The following SBK3 variants were observed in gnomAD, a reference collection of about 807,000 sequenced individuals.
The protein encoded by SBK3 is uncharacterized serine/threonine-protein kinase SBK3.
A neutral mutation model predicts 12.7 loss-of-function variants in SBK3; 16 were observed. That is an observed-to-expected ratio of 1.26 (90% CI 0.86 to 1.92). The LOEUF (loss-of-function observed/expected upper bound fraction) is 1.92, where lower values mean the gene tolerates loss of function less well. Among genes scored for constraint, SBK3 ranks in the 40% most tolerant of loss-of-function variants. The pLI is 0.00. For synonymous variants in SBK3, 217 were observed against 213.6 expected (o/e 1.02, Z -0.14); for missense variants, 462 against 481.8 (o/e 0.96, Z 0.38).
In SBK3 at chr19:55,544,179, G is replaced by A; in HGVS notation, c.320C>T (p.Pro107Leu). The A allele has an allele frequency of 1.3e-6, 2 of 1,535,902 alleles. No individual in the cohort carries two copies. The highest frequency in any genetic ancestry group is 1.7e-6 in the Non-Finnish European group (2 of 1,146,830). ...GGCAAAATAGCGGGGGGTCTGTAGG[G>A]GTCCTGCCAGGGTCTGCAGCAGGCC... ...HPGLLQTLAG[P>L]LQTPRYFAFA... The change falls in exon 3 of 4, where the codon CCC (proline) becomes CTC (leucine). Residue 107 changes from proline to leucine, a missense_variant. By Grantham distance (98) the Pro-to-Leu change is moderately conservative. Transcript: ENST00000612221.
At chr19:55,544,660 A>G (rs1455522992) in intron 2 of SBK3, 139 bp downstream of exon 2, 1 of 858,692 alleles carries the variant, frequency 1.2e-6, no homozygotes, top group Non-Finnish European at 1.7e-6. Context: ...AGAAGATCCC[A>G]GAGCTCTTAA....
At chr19:55,544,571 C>T (rs1196970014) in intron 2 of SBK3, among the ~76,000 whole-genome samples, 3 of 152,076 alleles carry the variant, frequency 2.0e-5, no homozygotes, top group African/African-American at 7.2e-5. Flanking sequence ...ACTTGGGTTC[C>T]AACTTGAGTT....
chr19:55,541,145 T>C lies in SBK3; in HGVS notation c.781A>G (p.Thr261Ala), dbSNP rs1266922014. ...EFEAFAGWVTTKPQPPQPPPP... is the reference protein window; with the variant it reads ...EFEAFAGWVTAKPQPPQPPPP... Reference sequence around the variant, plus strand: ...GGTGGCTGAGGTGGCTGAGGCTTGGTGGTCACCCAGCCAGCGAAGGCCTCG... The same window carrying C: ...GGTGGCTGAGGTGGCTGAGGCTTGGCGGTCACCCAGCCAGCGAAGGCCTCG... Residue 261 changes from threonine (T) to alanine (A), a missense_variant, in exon 4 of 4, where the codon ACC becomes GCC. Transcript: ENST00000612221. The surrounding 1 kb of genome is among the most constrained non-coding windows in gnomAD (Gnocchi z 5.3). 1 of 1,535,680 alleles carries C rather than the reference T, an allele frequency of 6.5e-7. No homozygotes were observed.
In SBK3 at chr19:55,545,459, T is replaced by A. The variant is rs1230823624; in HGVS notation, c.45+40A>T. 4.7e-6 allele frequency: 7 copies of A among 1,475,686 alleles called. No individual in the cohort carries two copies. The East Asian group carries it at 1.7e-4, about 36-fold the overall frequency. The allele number at this position is 1,475,686 out of a possible 1,614,324, so 91.4% of individuals were successfully genotyped here. A position where few individuals can be genotyped will look rare whatever the true frequency, so the allele number is the denominator to read the frequency against. ...TTGCCTCCTGCCTCTCTCTCCTTCT[T>A]TTCTCTCTCTGTCTTCCTCCCCTGG... On this transcript the variant is annotated intron_variant, in intron 1 of 3. Transcript: ENST00000612221. The surrounding 1 kb of genome is among the most constrained non-coding windows in gnomAD (Gnocchi z 4.4).
At chr19:55,542,347 T>A (rs1387475311) in intron 3 of SBK3, among the ~76,000 whole-genome samples, 1 of 151,946 alleles carries the variant, frequency 6.6e-6, no homozygotes, top group Non-Finnish European at 1.5e-5. Flanking sequence ...CATCCATTAA[T>A]CATCCATCCA....
Position 55,545,028 on chromosome 19 carries a change from C to A in SBK3, c.46-79G>T. ...GGTGGGGGAGGAGGTCACGGCGCAG[C>A]CCCAGGATGGAGGGTGGGGCAGGGG... On this transcript the variant is annotated intron_variant, in intron 1 of 3. Transcript: ENST00000612221. The surrounding 1 kb of genome is among the most constrained non-coding windows in gnomAD (Gnocchi z 4.4). The A allele has an allele frequency of 1.8e-6, 2 of 1,136,228 alleles. No homozygotes were observed. Among genetic ancestry groups the A allele is most frequent in the Non-Finnish European group, 2.5e-6 (2 of 815,926 alleles). 70.4% of individuals were successfully genotyped at this position (1,136,228 alleles called of 1,614,324 possible). A position where few individuals can be genotyped will look rare whatever the true frequency, so the allele number is the denominator to read the frequency against.
chr19:55,544,885 C>T lies in SBK3; in HGVS notation c.110G>A (p.Arg37Lys), dbSNP rs1425563392. 6.5e-7 allele frequency: 1 copy of T among 1,534,522 alleles called. No individual in the cohort carries two copies. The highest frequency in any genetic ancestry group is 8.7e-7 in the Non-Finnish European group (1 of 1,146,474). The change falls in exon 2 of 4, where the codon AGG (arginine) becomes AAG (lysine). Residue 37 changes from arginine to lysine, a missense_variant. Arg to Lys is a conservative substitution (Grantham distance 26). Transcript: ENST00000612221. ...GAGGTGGTACTGGTCCCGAAGGCTC[C>T]TCACCGGGGTCACCCTGCTGGTCGT... is the stretch of plus-strand genomic sequence containing the variant. ...ELTTSRVTPV[R>K]SLRDQYHLIR...
Position 55,545,043 on chromosome 19 carries a change from TGGG to T in SBK3, c.46-97_46-95del. The T allele has an allele frequency of 1.0e-6, 1 of 954,070 alleles. No homozygotes were observed. The highest frequency in any genetic ancestry group is 1.5e-6 in the Non-Finnish European group (1 of 655,440). The allele number at this position is 954,070 out of a possible 1,614,324, so 59.1% of individuals were successfully genotyped here. ...CACGGCGCAGCCCCAGGATGGAGGG[TGGG>T]GCAGGGGACAGGGGTCACTGTCCCC... On this transcript the variant is annotated intron_variant, in intron 1 of 3. Coordinates refer to ENST00000612221, the MANE Select transcript of SBK3 (RefSeq NM_001199824.2). This position sits in a 1 kb window ranked among gnomAD's most constrained non-coding sequence, Gnocchi z 4.4.
At chr19:55,544,017 T>G in intron 3 of SBK3, 83 bp downstream of exon 3, 8 of 1,201,350 alleles carry the variant, frequency 6.7e-6, no homozygotes, top group Admixed American at 3.2e-5. Flanking sequence ...TGATTTGGGG[T>G]CAGAGTTGGA....
In SBK3 at chr19:55,541,402, A is replaced by G; in HGVS notation, c.524T>C (p.Val175Ala). The G allele has an allele frequency of 1.3e-6, 2 of 1,535,834 alleles. No individual in the cohort carries two copies. Among genetic ancestry groups the G allele is most frequent in the Non-Finnish European group, 1.7e-6 (2 of 1,146,842 alleles). ...KPDNVLVFDP[V>A]CSRVALGDLG... is the part of the protein sequence containing the mutation. ...GTCTCCCAGGGCCACACGGCTGCAG[A>G]CCGGGTCGAAGACCAGCACGTTGTC... The change falls in exon 4 of 4, where the codon GTC (valine) becomes GCC (alanine). Residue 175 changes from valine (V) to alanine (A), a missense_variant. Physicochemically the swap from Val to Ala is moderately conservative, Grantham distance 64 (BLOSUM62 0). Coordinates refer to ENST00000612221, the MANE Select transcript of SBK3 (RefSeq NM_001199824.2). The surrounding 1 kb of genome is among the most constrained non-coding windows in gnomAD (Gnocchi z 5.3).
In SBK3 at chr19:55,544,936, G is replaced by A; in HGVS notation, c.59C>T (p.Thr20Ile). The change falls in exon 2 of 4, where the codon ACA (threonine) becomes ATA (isoleucine). Residue 20 changes from threonine to isoleucine, a missense_variant. Coordinates refer to ENST00000612221, the MANE Select transcript of SBK3 (RefSeq NM_001199824.2). ...EDGDPEEDTA[T>I]ALQRLVELTT... The stretch of plus-strand genomic sequence containing the variant: ...CAGCTCCACCAGCCGTTGGAGGGCT[G>A]TGGCTGTGTCCTCCTACGGGAGAGG... 6.5e-7 allele frequency: 1 copy of A among 1,532,856 alleles called. No homozygotes were observed. The highest frequency in any genetic ancestry group is 8.7e-7 in the Non-Finnish European group (1 of 1,145,682). The allele number at this position is 1,532,856 out of a possible 1,614,324, so 95.0% of individuals were successfully genotyped here.
At chr19:55,544,339 C>A in intron 2 of SBK3, 37 bp from the exon 3 acceptor site, 1 of 1,492,794 alleles carries the variant, frequency 6.7e-7, no homozygotes, top group South Asian at 1.2e-5. Context: ...ACTCAGGCGG[C>A]TCCAGTCCTG....
chr19:55,540,817 G>T lies in SBK3; in HGVS notation c.*29C>A. The T allele has an allele frequency of 6.5e-7, 1 of 1,530,754 alleles. No homozygotes were observed. The highest frequency in any genetic ancestry group is 1.2e-5 in the South Asian group (1 of 83,978). 94.8% of individuals were successfully genotyped at this position (1,530,754 alleles called of 1,614,324 possible). On this transcript the variant is annotated 3_prime_UTR_variant, in exon 4 of 4. Transcript: ENST00000612221. ...GGCTGGGGGAAGGGCCTCTGGCCCA[G>T]GCTCTGGCCACCTGTCTCTGTCACC...
Position 55,541,659 on chromosome 19 carries a change from C to T in SBK3, c.400-133G>A, listed in dbSNP as rs142164062. On this transcript the variant is annotated intron_variant, in intron 3 of 3. Transcript: ENST00000612221. This position sits in a 1 kb window ranked among gnomAD's most constrained non-coding sequence, Gnocchi z 5.3. ...CCTCCCAAAGTGCTGGGATTATAGG[C>T]ATGAGGCACTGCACCAGTTGGTTCC... 6.2e-3 allele frequency: 4,025 copies of T among 654,252 alleles called. 15 individuals are homozygous for T. The highest frequency in any genetic ancestry group is 8.0e-3 in the Non-Finnish European group (3,142 of 395,192). 40.5% of individuals were successfully genotyped at this position (654,252 alleles called of 1,614,324 possible).
rs190863014 is a variant in SBK3, at chr19:55,541,556, G to A, written c.400-30C>T. On this transcript the variant is annotated intron_variant, in intron 3 of 3. Transcript: ENST00000612221. This position sits in a 1 kb window ranked among gnomAD's most constrained non-coding sequence, Gnocchi z 5.3. ...GGTCAAGAAGACAGGAGGAGGGTCA[G>A]AGTGTCTTGGTTTTGTCTTTTTTAT... The A allele has an allele frequency of 1.2e-5, 17 of 1,461,280 alleles. No individual in the cohort carries two copies. The East Asian group carries it at 4.2e-4, about 36-fold the overall frequency. 90.5% of individuals were successfully genotyped at this position (1,461,280 alleles called of 1,614,324 possible).
chr19:55,541,525 C>A lies in SBK3; in HGVS notation c.401G>T (p.Gly134Val). Residue 134 changes from glycine (G) to valine (V), a missense_variant and splice_region_variant, in exon 4 of 4, where the codon GGC becomes GTC. Coordinates refer to ENST00000612221, the MANE Select transcript of SBK3 (RefSeq NM_001199824.2). The surrounding 1 kb of genome is among the most constrained non-coding windows in gnomAD (Gnocchi z 5.3). ...CCGCTTCACCAGCAGTTCTGGGAGG[C>A]CCTGAGGTCAAGAAGACAGGAGGAG... ...GDLSGMLQER[G>V]LPELLVKRVV... is the part of the protein sequence containing the mutation. 1.3e-6 allele frequency: 2 copies of A among 1,506,442 alleles called. No individual in the cohort carries two copies. Among genetic ancestry groups the A allele is most frequent in the South Asian group, 2.5e-5 (2 of 80,600 alleles). 93.3% of individuals were successfully genotyped at this position (1,506,442 alleles called of 1,614,324 possible).
intron 3 of SBK3, among the ~76,000 whole-genome samples, chr19:55,542,378 CCCAT>C (rs568061026): frequency 2.3e-4 from 35 of 151,716 alleles, no homozygotes; most frequent in East Asian, 5.8e-4. Flanking sequence ...CGTCCACCCA[CCCAT>C]CCATCCATCC....
chr19:55,544,254 C>A lies in SBK3; in HGVS notation c.245G>T (p.Ser82Ile). The change falls in exon 3 of 4, where the codon AGC (serine) becomes ATC (isoleucine). Residue 82 changes from serine (S) to isoleucine (I), a missense_variant. Coordinates refer to ENST00000612221, the MANE Select transcript of SBK3 (RefSeq NM_001199824.2). ...KLLRRDLVLRSTFLREFCVGR... is the reference protein window; with the variant it reads ...KLLRRDLVLRITFLREFCVGR... ...CACACAGAACTCCCTCAGGAAGGTG[C>A]TTCTCAGGACCAAATCCCGACGCAG... The A allele has an allele frequency of 6.5e-7, 1 of 1,536,042 alleles. No individual in the cohort carries two copies. Among genetic ancestry groups the A allele is most frequent in the Non-Finnish European group, 8.7e-7 (1 of 1,146,888 alleles).
Position 55,541,974 on chromosome 19 carries a change from A to C in SBK3, c.400-448T>G, listed in dbSNP as rs1988566819. ...TCTCCTAACTCAAACACTCAGGCCCACTGTGAACATTTCTTATATATCTTT... is the reference window on the plus strand; with the variant it reads ...TCTCCTAACTCAAACACTCAGGCCCCCTGTGAACATTTCTTATATATCTTT... On this transcript the variant is annotated intron_variant, in intron 3 of 3. Transcript: ENST00000612221. The surrounding 1 kb of genome is among the most constrained non-coding windows in gnomAD (Gnocchi z 5.3). 6.6e-6 allele frequency among the ~76,000 whole-genome samples: 1 copy of C among 152,190 alleles called. No homozygotes were observed. The highest frequency in any genetic ancestry group is 1.9e-4 in the East Asian group (1 of 5,204).
Sources: allele counts gnomAD v4.1 joint callset (sites outside exome capture counted in the v4.1 genomes callset), GRCh38; gene constraint gnomAD v4.1.1; non-coding constraint Gnocchi (gnomAD v3.1); transcripts MANE v1.5; gene names NCBI Gene and HGNC (gene_info 2026-07-23, HGNC 2026-07-21).